The following FHIT variants were observed in gnomAD, a reference collection of about 807,000 sequenced individuals.
FHIT encodes bis(5'-adenosyl)-triphosphatase.
In FHIT, 19 loss-of-function variants were observed where a neutral mutation model predicts 17.9. The ratio of observed to expected loss-of-function variants is 1.06; its 90% confidence interval spans 0.74 to 1.56. FHIT has a LOEUF of 1.56. FHIT is among the 40% of genes most tolerant of loss of function. FHIT has a pLI of 0.00. For synonymous variants in FHIT, 81 were observed against 69.7 expected (o/e 1.16, Z -0.81); for missense variants, 248 against 189.2 (o/e 1.31, Z -1.82).
chr3:60,038,810 C>T (rs979283908), intron 5 of FHIT, among the ~76,000 whole-genome samples: 3 of 152,106 alleles, frequency 2.0e-5, no homozygotes, highest in African/African-American at 7.2e-5. Flanking sequence ...GATCACAAAG[C>T]CAAAACTGAA....
chr3:59,863,484 A>G (rs1395492235), intron 8 of FHIT, among the ~76,000 whole-genome samples: 1 of 152,202 alleles, frequency 6.6e-6, no homozygotes. Context: ...ATCTCCTTCC[A>G]TTAGCATCCA....
At chr3:60,016,679 G>A (rs748391363) in intron 5 of FHIT, among the ~76,000 whole-genome samples, 54 of 152,166 alleles carry the variant, frequency 3.5e-4, no homozygotes, top group Admixed American at 8.5e-4. Context: ...GGGAGCACAG[G>A]GGAGGTCAGA....
chr3:60,251,234 C>A (rs1705694511), intron 5 of FHIT, among the ~76,000 whole-genome samples: 1 of 152,146 alleles, frequency 6.6e-6, no homozygotes, highest in Non-Finnish European at 1.5e-5. Flanking sequence ...GTCAATAGCA[C>A]TTGAGTATCA....
chr3:61,040,682 G>A (rs1367510986), intron 3 of FHIT, among the ~76,000 whole-genome samples: 1 of 152,216 alleles, frequency 6.6e-6, no homozygotes, highest in Non-Finnish European at 1.5e-5. Flanking sequence ...GATGTGTGTG[G>A]TATCTGTTGC....
chr3:59,996,005 T>C (rs1699494691), intron 7 of FHIT, among the ~76,000 whole-genome samples: 2 of 152,058 alleles, frequency 1.3e-5, no homozygotes, highest in African/African-American at 4.8e-5. Flanking sequence ...TGATGTTCTT[T>C]TTGAGGGCCA....
At chr3:60,031,530 G>A (rs935960220) in intron 5 of FHIT, among the ~76,000 whole-genome samples, 8 of 152,168 alleles carry the variant, frequency 5.3e-5, no homozygotes, top group Admixed American at 6.5e-5. Flanking sequence ...TTTGACTCTG[G>A]GCAAATAAAC....
chr3:59,888,317 A>C (rs1196440506), intron 8 of FHIT, among the ~76,000 whole-genome samples: 1 of 152,226 alleles, frequency 6.6e-6, no homozygotes, highest in African/African-American at 2.4e-5. Context: ...TCTTTTAAAA[A>C]ATACTCTAAA....
chr3:60,861,012 A>T (rs1703781821), intron 3 of FHIT, among the ~76,000 whole-genome samples: 1 of 101,788 alleles, frequency 9.8e-6, no homozygotes, highest in East Asian at 2.4e-4. Flanking sequence ...CATATATATG[A>T]TACATATATA....
At chr3:60,135,237 G>A (rs7638262) in intron 5 of FHIT, among the ~76,000 whole-genome samples, 3 of 151,984 alleles carry the variant, frequency 2.0e-5, no homozygotes, top group African/African-American at 4.8e-5. Context: ...AAATCAATTC[G>A]GCACCCAGGG....
At chr3:60,924,233 G>A (rs1452610647) in intron 3 of FHIT, among the ~76,000 whole-genome samples, 1 of 152,220 alleles carries the variant, frequency 6.6e-6, no homozygotes, top group Admixed American at 6.5e-5. Context: ...CATGCAGCTT[G>A]AGATCTAAGA....
chr3:60,204,453 T>TA (rs148487698), intron 5 of FHIT, among the ~76,000 whole-genome samples: 1 of 141,146 alleles, frequency 7.1e-6, no homozygotes. Flanking sequence ...GGTTTTTTTT[T>TA]TTTTGTTTTG....
At chr3:61,003,285 G>A (rs1448965499) in intron 3 of FHIT, among the ~76,000 whole-genome samples, 1 of 152,000 alleles carries the variant, frequency 6.6e-6, no homozygotes, top group Admixed American at 6.6e-5. Context: ...CTATCTAAAG[G>A]GGCACGCCAC....
chr3:60,365,941 T>C (rs1335738105), intron 5 of FHIT, among the ~76,000 whole-genome samples: 1 of 152,202 alleles, frequency 6.6e-6, no homozygotes, highest in Non-Finnish European at 1.5e-5. Context: ...TAATGCCTCT[T>C]TGAAGCATAC....
rs908245630 is a variant in FHIT, at chr3:61,251,296, C to G, written c.-213+5G>C. The G allele has an allele frequency of 1.3e-5, 2 of 152,526 alleles. No individual in the cohort carries two copies. Among genetic ancestry groups the G allele is most frequent in the Non-Finnish European group, 2.9e-5 (2 of 68,292 alleles). 9.4% of individuals were successfully genotyped at this position (152,526 alleles called of 1,614,324 possible). A position where few individuals can be genotyped will look rare whatever the true frequency, so the allele number is the denominator to read the frequency against. The stretch of plus-strand genomic sequence containing the variant: ...TTCCACTTGGGCTTGCCTCCCCGCC[C>G]CTACCTTCCAGGATGTTGACAGCTG... On this transcript the variant is annotated splice_donor_5th_base_variant and intron_variant, in intron 1 of 9. Coordinates refer to ENST00000492590, the MANE Select transcript of FHIT (RefSeq NM_002012.4).
chr3:60,968,498 A>G (rs1236654701), intron 3 of FHIT, among the ~76,000 whole-genome samples: 2 of 151,296 alleles, frequency 1.3e-5, no homozygotes, highest in African/African-American at 2.4e-5. Context: ...GCTCACTGCA[A>G]GCTCCTGGGG....
At chr3:60,940,884 T>A (rs1015499701) in intron 3 of FHIT, among the ~76,000 whole-genome samples, 18 of 152,158 alleles carry the variant, frequency 1.2e-4, no homozygotes, top group African/African-American at 4.3e-4. Flanking sequence ...GCACTTGGAT[T>A]TAGTGGTAGT....
At chr3:59,970,034 G>C (rs1430560859) in intron 7 of FHIT, among the ~76,000 whole-genome samples, 1 of 151,658 alleles carries the variant, frequency 6.6e-6, no homozygotes, top group African/African-American at 2.4e-5. Flanking sequence ...CATTTTGCTG[G>C]GTAGGGAACC....
intron 5 of FHIT, among the ~76,000 whole-genome samples, chr3:60,530,227 G>C (rs1200647573): frequency 6.6e-6 from 1 of 152,156 alleles, no homozygotes; most frequent in Non-Finnish European, 1.5e-5. Context: ...CCTCACCAGA[G>C]AGCAGGCAGC....
At chr3:60,927,784 C>T (rs1308730741) in intron 3 of FHIT, among the ~76,000 whole-genome samples, 4 of 152,046 alleles carry the variant, frequency 2.6e-5, no homozygotes, top group Admixed American at 6.5e-5. Context: ...CCCCTCTGCC[C>T]GGCCGCCAAT....
Sources: gnomAD v4.1 joint callset for allele counts (sites outside exome capture counted in the v4.1 genomes callset) on GRCh38, gnomAD v4.1.1 for gene constraint, MANE v1.5 for transcripts, NCBI Gene and HGNC (gene_info 2026-07-23, HGNC 2026-07-21) for gene names.